Variants in UBE2Q2 observed in about 807,000 individuals in gnomAD.
UBE2Q2 encodes ubiquitin conjugating enzyme E2 Q2.
Under a neutral mutation model 59.9 loss-of-function variants are expected in UBE2Q2, and 54 were observed. The ratio of observed to expected loss-of-function variants is 0.90; its 90% CI spans 0.72 to 1.13. The LOEUF (loss-of-function observed/expected upper bound fraction) is 1.13. Among genes scored for constraint, UBE2Q2 ranks in the 50% most tolerant of loss-of-function variants. The pLI is 0.00. For synonymous variants in UBE2Q2, 165 were observed against 155.2 expected (o/e 1.06, Z -0.47); for missense variants, 433 against 441.9 (o/e 0.98, Z 0.18).
intron 2 of UBE2Q2, among the ~76,000 whole-genome samples, chr15:75,855,122 A>G (rs1282171729): frequency 6.6e-6 from 1 of 152,190 alleles, no homozygotes; most frequent in African/African-American, 2.4e-5. Flanking sequence ...TTCCTTTGCT[A>G]GTAAAATACA....
chr15:75,851,460 ACATT>A (rs1466456586), intron 1 of UBE2Q2, among the ~76,000 whole-genome samples: 10 of 152,300 alleles, frequency 6.6e-5, no homozygotes, highest in African/African-American at 2.2e-4. Context: ...GTATCAAAAT[ACATT>A]CATCAATATT....
At chr15:75,868,034 C>T (rs1015356258) in intron 3 of UBE2Q2, among the ~76,000 whole-genome samples, 1 of 152,140 alleles carries the variant, frequency 6.6e-6, no homozygotes, top group Non-Finnish European at 1.5e-5. Flanking sequence ...ATGGAATTCT[C>T]CAGCTGACTA....
At chr15:75,891,724 T>C (rs1038383310) in intron 11 of UBE2Q2, among the ~76,000 whole-genome samples, 1 of 152,168 alleles carries the variant, frequency 6.6e-6, no homozygotes, top group African/African-American at 2.4e-5. Context: ...TCAGGCTGGT[T>C]TTCTTTTCAG....
intron 11 of UBE2Q2, among the ~76,000 whole-genome samples, chr15:75,892,609 C>G (rs766252716): frequency 6.6e-6 from 1 of 152,164 alleles, no homozygotes; most frequent in African/African-American, 2.4e-5. Context: ...CCTGTAATCT[C>G]AACACTTTGG....
chr15:75,884,643 A>G (rs541401437), intron 9 of UBE2Q2, among the ~76,000 whole-genome samples: 1 of 152,196 alleles, frequency 6.6e-6, no homozygotes, highest in East Asian at 1.9e-4. Flanking sequence ...CCACATGGTA[A>G]AGCAATATAA....
chr15:75,896,739 A>G (rs1288942655), intron 11 of UBE2Q2, among the ~76,000 whole-genome samples: 1 of 152,214 alleles, frequency 6.6e-6, no homozygotes, highest in East Asian at 1.9e-4. Flanking sequence ...TACTTGTCCA[A>G]TGGTAGGAAG....
intron 1 of UBE2Q2, chr15:75,844,689 T>G (rs12898403): frequency 0.27 from 138,438 of 511,376 alleles, 21,047 homozygotes; most frequent in East Asian, 0.31. Flanking sequence ...AGTATTAAGT[T>G]TCTCCATAAA....
intron 1 of UBE2Q2, among the ~76,000 whole-genome samples, chr15:75,851,605 TGTTG>T (rs1896638333): frequency 6.6e-6 from 1 of 152,212 alleles, no homozygotes; most frequent in African/African-American, 2.4e-5. Context: ...ATGGCCTGTC[TGTTG>T]TTTTCCTTGA....
chr15:75,891,636 A>G (rs928164682), intron 11 of UBE2Q2, among the ~76,000 whole-genome samples: 5 of 152,194 alleles, frequency 3.3e-5, no homozygotes, highest in South Asian at 4.1e-4. Context: ...CAGAACAAGG[A>G]TTGGAACTAG....
At chr15:75,873,379 G>T (rs947684366) in intron 4 of UBE2Q2, 49 bp from the exon 5 acceptor site, 1 of 1,539,028 alleles carries the variant, frequency 6.5e-7, no homozygotes, top group Non-Finnish European at 8.7e-7. Flanking sequence ...ATAAGAAACT[G>T]CTGAAGAAAA....
At chr15:75,855,288 C>T (rs888749878) in intron 2 of UBE2Q2, among the ~76,000 whole-genome samples, 2 of 152,022 alleles carry the variant, frequency 1.3e-5, no homozygotes, top group African/African-American at 2.4e-5. Context: ...GCCAGGAGTT[C>T]GAGATCAGCC....
intron 9 of UBE2Q2, among the ~76,000 whole-genome samples, chr15:75,884,744 C>T (rs1156599369): frequency 1.3e-5 from 2 of 152,130 alleles, no homozygotes; most frequent in Non-Finnish European, 2.9e-5. Flanking sequence ...ACTGCAATCT[C>T]TGCCTCCTGG....
intron 4 of UBE2Q2, among the ~76,000 whole-genome samples, chr15:75,869,943 T>A (rs1897695452): frequency 1.3e-5 from 2 of 152,218 alleles, no homozygotes; most frequent in Admixed American, 1.3e-4. Flanking sequence ...TTCCATGGTC[T>A]TGATTTAAAA....
Position 75,854,461 on chromosome 15 carries a change from C to A in UBE2Q2, c.256C>A (p.Leu86Ile). The A allele has an allele frequency of 1.9e-6, 3 of 1,611,596 alleles. No homozygotes were observed. Among genetic ancestry groups the A allele is most frequent in the Non-Finnish European group, 1.7e-6 (2 of 1,178,696 alleles). Residue 86 changes from leucine to isoleucine, a missense_variant, in exon 2 of 13, where the codon CTA becomes ATA. By Grantham distance (5) the Leu-to-Ile change is conservative. Coordinates refer to ENST00000267938, the MANE Select transcript of UBE2Q2 (RefSeq NM_173469.4). ...DPNLTSVLER[L>I]EDTKNNNLLR... Reference sequence around the variant, plus strand: ...AAATCTGACATCAGTTCTGGAACGTCTAGAAGATACTAAGAACAACAATTT... The same window carrying A: ...AAATCTGACATCAGTTCTGGAACGTATAGAAGATACTAAGAACAACAATTT...
At chr15:75,879,559 A>G (rs1037593453) in intron 8 of UBE2Q2, among the ~76,000 whole-genome samples, 2 of 152,212 alleles carry the variant, frequency 1.3e-5, no homozygotes, top group Non-Finnish European at 2.9e-5. Flanking sequence ...CAGTTCAAAA[A>G]TAGGTAAAAC....
intron 1 of UBE2Q2, among the ~76,000 whole-genome samples, chr15:75,850,315 C>T (rs931618055): frequency 3.9e-5 from 6 of 152,178 alleles, no homozygotes; most frequent in Admixed American, 1.3e-4. Context: ...CTCTTTTCTC[C>T]GATGCTTATG....
intron 3 of UBE2Q2, among the ~76,000 whole-genome samples, chr15:75,861,935 C>T (rs1477969092): frequency 6.6e-6 from 1 of 152,198 alleles, no homozygotes; most frequent in Non-Finnish European, 1.5e-5. Flanking sequence ...GACTTCTTCA[C>T]CCACAGGTCT....
intron 2 of UBE2Q2, among the ~76,000 whole-genome samples, chr15:75,855,316 C>T (rs1050784363): frequency 6.6e-6 from 1 of 152,018 alleles, no homozygotes; most frequent in African/African-American, 2.4e-5. Flanking sequence ...CATGGTGAAA[C>T]CCTGTCTCTG....
intron 12 of UBE2Q2, among the ~76,000 whole-genome samples, chr15:75,899,126 A>G (rs79368585): frequency 1.5e-5 from 2 of 129,706 alleles, no homozygotes; most frequent in East Asian, 2.4e-4. Flanking sequence ...AAAAAAAAAA[A>G]TTAGTGGGGC....
Sources: allele counts gnomAD v4.1 joint callset (sites outside exome capture counted in the v4.1 genomes callset), GRCh38; gene constraint gnomAD v4.1.1; transcripts MANE v1.5; gene names NCBI Gene and HGNC (gene_info 2026-07-23, HGNC 2026-07-21).